IFT22: variants seen among roughly 807,000 people sequenced by gnomAD.
The protein encoded by IFT22 is intraflagellar transport 22.
IFT22 carries 13 observed loss-of-function variants against 21.0 expected under a neutral mutation model. The ratio of observed to expected loss-of-function variants is 0.62; its 90% CI spans 0.40 to 0.98. The LOEUF (loss-of-function observed/expected upper bound fraction) is 0.98, where lower values mean the gene tolerates loss of function less well. IFT22 is among the 50% of genes least tolerant of loss of function. IFT22 has a pLI of 0.00. For missense variants in IFT22, 227 were observed against 228.9 expected, an observed-to-expected ratio of 0.99 and a Z score of 0.06; for synonymous variants, 67 against 82.4, an observed-to-expected ratio of 0.81 and a Z score of 1.01.
intron 3 of IFT22, 129 bp from the exon 4 acceptor site, chr7:101,316,671 TC>T: frequency 1.2e-6 from 1 of 830,788 alleles, no homozygotes; most frequent in Non-Finnish European, 1.9e-6. Flanking sequence ...ACACCTGTAA[TC>T]CCAGCACTTT....
chr7:101,317,957 G>A (rs566704780), intron 3 of IFT22, among the ~76,000 whole-genome samples, 167 bp downstream of exon 3: 9 of 152,046 alleles, frequency 5.9e-5, no homozygotes, highest in Middle Eastern at 3.4e-3. Context: ...TAGTAGAGAC[G>A]GAGTTTCGCC....
intron 1 of IFT22, among the ~76,000 whole-genome samples, chr7:101,319,969 T>A (rs916081211): frequency 1.3e-5 from 2 of 151,852 alleles, no homozygotes; most frequent in Non-Finnish European, 1.5e-5. Flanking sequence ...ATTTTATTTT[T>A]TTTTTAGATG....
chr7:101,321,151 A>C (rs1296757641), intron 1 of IFT22, among the ~76,000 whole-genome samples: 1 of 150,826 alleles, frequency 6.6e-6, no homozygotes, highest in Non-Finnish European at 1.5e-5. Flanking sequence ...TCAAAAAAAC[A>C]AAACAAAACA....
Position 101,311,576 on chromosome 7 carries a change from G to A in IFT22, c.*3558C>T, listed in dbSNP as rs988900205. Among the ~76,000 whole-genome samples, 1 of 152,138 alleles carries A rather than the reference G, an allele frequency of 6.6e-6. No individual in the cohort carries two copies. Among genetic ancestry groups the A allele is most frequent in the East Asian group, 1.9e-4 (1 of 5,196 alleles). ...CACTGTGAAAGTGACAGACACCCTA[G>A]CATTTTTATTCATCTCCCTTAGGTG... On this transcript the variant is annotated 3_prime_UTR_variant, in exon 5 of 5. Coordinates refer to ENST00000315322, the MANE Select transcript of IFT22 (RefSeq NM_022777.4).
In IFT22 at chr7:101,321,653, C is replaced by G; in HGVS notation, c.39+18G>C. The G allele has an allele frequency of 6.3e-7, 1 of 1,592,446 alleles. No individual in the cohort carries two copies. The highest frequency in any genetic ancestry group is 8.5e-7 in the Non-Finnish European group (1 of 1,169,756). On this transcript the variant is annotated intron_variant, in intron 1 of 4. Coordinates refer to ENST00000315322, the MANE Select transcript of IFT22 (RefSeq NM_022777.4). Reference sequence around the variant, plus strand: ...GGCCTGCTCCCCGCTCCCTCTGCCGCGCCGGGCCAGGACTTACCTCGCAAG... The same window carrying G: ...GGCCTGCTCCCCGCTCCCTCTGCCGGGCCGGGCCAGGACTTACCTCGCAAG...
chr7:101,312,540 T>TG lies in IFT22; in HGVS notation c.*2593_*2594insC, dbSNP rs1206310412. Among the ~76,000 whole-genome samples, 1 of 146,178 alleles carries TG rather than the reference T, an allele frequency of 6.8e-6. No homozygotes were observed. Among genetic ancestry groups the TG allele is most frequent in the Non-Finnish European group, 1.5e-5 (1 of 66,522 alleles). ...AATGTTTTGGAGAGAGTTGTTTTTT[T>TG]TTTTTTTTTTTTTGTGACGGAGTCT... On this transcript the variant is annotated 3_prime_UTR_variant, in exon 5 of 5. Coordinates refer to ENST00000315322, the MANE Select transcript of IFT22 (RefSeq NM_022777.4).
At chr7:101,319,561 C>A (rs979099434) in intron 1 of IFT22, among the ~76,000 whole-genome samples, 1 of 151,826 alleles carries the variant, frequency 6.6e-6, no homozygotes, top group Admixed American at 6.6e-5. Context: ...TCAAAGTCAG[C>A]CTGGGGACTC....
At position 101,311,612 on chromosome 7, in the gene IFT22, T is replaced by G. The variant is rs947182032; in HGVS notation, c.*3522A>C. Among the ~76,000 whole-genome samples the G allele has an allele frequency of 1.3e-5, 2 of 152,216 alleles. No individual in the cohort carries two copies. The highest frequency in any genetic ancestry group is 4.8e-5 in the African/African-American group (2 of 41,460). On this transcript the variant is annotated 3_prime_UTR_variant, in exon 5 of 5. Coordinates refer to ENST00000315322, the MANE Select transcript of IFT22 (RefSeq NM_022777.4). ...CATCTCCCTTAGGTGCCTCAACTTT[T>G]TCTCCCACTCTCAGCTGAAAAGAGC...
Position 101,311,086 on chromosome 7 carries a change from C to A in IFT22, c.*4048G>T. ...TCGGCTCACTGCAAGCTCCGCCTCC[C>A]AGGTTCACGCCATTCTCCTGCCTCA... On this transcript the variant is annotated 3_prime_UTR_variant, in exon 5 of 5. Coordinates refer to ENST00000315322, the MANE Select transcript of IFT22 (RefSeq NM_022777.4). The A allele has an allele frequency of 4.3e-6, 1 of 235,024 alleles. No homozygotes were observed. Among genetic ancestry groups the A allele is most frequent in the South Asian group, 5.2e-5 (1 of 19,414 alleles). 14.6% of individuals were successfully genotyped at this position (235,024 alleles called of 1,614,324 possible).
chr7:101,321,110 T>G (rs944427065), intron 1 of IFT22, among the ~76,000 whole-genome samples: 1 of 151,986 alleles, frequency 6.6e-6, no homozygotes, highest in Non-Finnish European at 1.5e-5. Context: ...GCCACTGCAC[T>G]CCAGCCTGGG....
chr7:101,318,302 T>G, intron 2 of IFT22, 89 bp from the exon 3 acceptor site: 1 of 938,476 alleles, frequency 1.1e-6, no homozygotes, highest in Non-Finnish European at 1.7e-6. Flanking sequence ...GGCAGATCAC[T>G]TGAGGTCAGG....
At position 101,311,500 on chromosome 7, in the gene IFT22, AAAGCCACTC is replaced by A. The variant is rs1789978808; in HGVS notation, c.*3625_*3633del. Reference sequence around the variant, plus strand: ...TGCCAGGGAATTGTCATGGTCTAGAAAAGCCACTCTCTCCAGTAGACTGCTCACACAGCT... The same window carrying A: ...TGCCAGGGAATTGTCATGGTCTAGAATCTCCAGTAGACTGCTCACACAGCT... On this transcript the variant is annotated 3_prime_UTR_variant, in exon 5 of 5. Coordinates refer to ENST00000315322, the MANE Select transcript of IFT22 (RefSeq NM_022777.4). Among the ~76,000 whole-genome samples the A allele has an allele frequency of 6.6e-6, 1 of 152,108 alleles. No homozygotes were observed. Among genetic ancestry groups the A allele is most frequent in the African/African-American group, 2.4e-5 (1 of 41,420 alleles).
chr7:101,316,088 T>C (rs1790140185), intron 4 of IFT22: 1 of 387,692 alleles, frequency 2.6e-6, no homozygotes, highest in Non-Finnish European at 4.8e-6. Flanking sequence ...AATCTCCGCC[T>C]CCTGGGCTCA....
chr7:101,319,641 CTTT>C (rs11443697), intron 1 of IFT22, among the ~76,000 whole-genome samples: 16 of 111,806 alleles, frequency 1.4e-4, no homozygotes, highest in Non-Finnish European at 1.6e-4. Flanking sequence ...ATACACATTG[CTTT>C]TTTTTTTTTT....
Position 101,314,328 on chromosome 7 carries a change from TC to T in IFT22, c.*805del, listed in dbSNP as rs1790072326. 6.6e-6 allele frequency: 1 copy of T among 152,054 alleles called. No homozygotes were observed. The highest frequency in any genetic ancestry group is 6.6e-5 in the Admixed American group (1 of 15,252). 9.4% of individuals were successfully genotyped at this position (152,054 alleles called of 1,614,324 possible). Reference sequence around the variant, plus strand: ...CGCGGCACCACACCCAGCTGATTTTTCTATTTTTAGTAGAGATGGGGTTTCA... The same window carrying T: ...CGCGGCACCACACCCAGCTGATTTTTTATTTTTAGTAGAGATGGGGTTTCA... On this transcript the variant is annotated 3_prime_UTR_variant, in exon 5 of 5. Transcript: ENST00000315322.
chr7:101,312,204 G>C lies in IFT22; in HGVS notation c.*2930C>G, dbSNP rs973132270. On this transcript the variant is annotated 3_prime_UTR_variant, in exon 5 of 5. Transcript: ENST00000315322. ...GGATCACTCAAGGACAGGAGTTCGA[G>C]ATCAGCTGGGGCAACATGGCAAAAC... Among the ~76,000 whole-genome samples the C allele has an allele frequency of 2.0e-5, 3 of 152,114 alleles. No homozygotes were observed. Among genetic ancestry groups the C allele is most frequent in the African/African-American group, 7.2e-5 (3 of 41,428 alleles).
Position 101,311,231 on chromosome 7 carries a change from TC to T in IFT22, c.*3902del, listed in dbSNP as rs1436165559. On this transcript the variant is annotated 3_prime_UTR_variant, in exon 5 of 5. Coordinates refer to ENST00000315322, the MANE Select transcript of IFT22 (RefSeq NM_022777.4). ...TGGTCTCGATCTCTTAACCTCGTAATCCACCCGCCTCGGCCTCCCAAAGTGC... is the reference window on the plus strand; with the variant it reads ...TGGTCTCGATCTCTTAACCTCGTAATCACCCGCCTCGGCCTCCCAAAGTGC... Among the ~76,000 whole-genome samples the T allele has an allele frequency of 6.6e-6, 1 of 152,076 alleles. No individual in the cohort carries two copies. Among genetic ancestry groups the T allele is most frequent in the African/African-American group, 2.4e-5 (1 of 41,428 alleles).
Position 101,312,964 on chromosome 7 carries a change from G to C in IFT22, c.*2170C>G, listed in dbSNP as rs1317275015. On this transcript the variant is annotated 3_prime_UTR_variant, in exon 5 of 5. Coordinates refer to ENST00000315322, the MANE Select transcript of IFT22 (RefSeq NM_022777.4). ...TTCTCCTGCCTCAGCTTCCCAGGTA[G>C]CTGGGATTACAGGCACGTGCTACCA... 2.0e-5 allele frequency among the ~76,000 whole-genome samples: 3 copies of C among 151,926 alleles called. No individual in the cohort carries two copies. The East Asian group carries it at 5.8e-4, about 29-fold the overall frequency.
intron 2 of IFT22, chr7:101,318,746 T>C (rs1790240032): frequency 2.0e-6 from 1 of 504,870 alleles, no homozygotes; most frequent in South Asian, 2.5e-5. Context: ...AAACAATCCT[T>C]CTGCTTCAAC....
Sources: allele counts gnomAD v4.1 joint callset (sites outside exome capture counted in the v4.1 genomes callset), GRCh38; gene constraint gnomAD v4.1.1; transcripts MANE v1.5; gene names NCBI Gene and HGNC (gene_info 2026-07-23, HGNC 2026-07-21).